HNF4A: variants seen among roughly 807,000 people sequenced by gnomAD.
The protein encoded by HNF4A is hepatocyte nuclear factor 4 alpha.
A neutral mutation model predicts 52.4 loss-of-function variants in HNF4A; 15 were observed. The observed-to-expected ratio is 0.29, with a 90% CI of 0.19 to 0.44. HNF4A has a LOEUF of 0.44. Among genes scored for constraint, HNF4A ranks in the 20% least tolerant of loss-of-function variants. The pLI, the probability that HNF4A is intolerant of heterozygous loss-of-function variation, is 1.00. For missense variants in HNF4A, 479 were observed against 647.2 expected, an observed-to-expected ratio of 0.74 and a Z score of 2.82; for synonymous variants, 280 against 264.4, an observed-to-expected ratio of 1.06 and a Z score of -0.57.
chr20:44,360,320 T>C (rs572343515), intron 1 of HNF4A, among the ~76,000 whole-genome samples: 3 of 152,056 alleles, frequency 2.0e-5, no homozygotes, highest in Non-Finnish European at 4.4e-5. Context: ...AATAGCTGGA[T>C]GGATGAGACA....
In HNF4A at chr20:44,396,107, G is replaced by A. The variant is rs555279495; in HGVS notation, c.50-9951G>A. On this transcript the variant is annotated intron_variant, in intron 1 of 9. Transcript: ENST00000316673. Reference sequence around the variant, plus strand: ...TTCCAGGAGTCATGATGCAGGCAATGCGTAGAGGGGTGAAGCCCTCAAGCT... The same window carrying A: ...TTCCAGGAGTCATGATGCAGGCAATACGTAGAGGGGTGAAGCCCTCAAGCT... Among the ~76,000 whole-genome samples the A allele has an allele frequency of 2.9e-4, 44 of 152,308 alleles. 1 individual carries two copies. In the South Asian group the frequency reaches 8.7e-3, roughly 30 times the overall value.
At chr20:44,371,991 A>G (rs1467264451) in intron 1 of HNF4A, among the ~76,000 whole-genome samples, 1 of 152,178 alleles carries the variant, frequency 6.6e-6, no homozygotes, top group Non-Finnish European at 1.5e-5. Flanking sequence ...ACGGAAACTT[A>G]TTAATGAACA....
At chr20:44,426,042 C>G (rs958884569) in intron 8 of HNF4A, among the ~76,000 whole-genome samples, 1 of 152,046 alleles carries the variant, frequency 6.6e-6, no homozygotes, top group African/African-American at 2.4e-5. Flanking sequence ...GAGTCTGTTG[C>G]TCAAGCACAA....
chr20:44,433,479 G>A (rs6103737), downstream of HNF4A: 31,054 of 152,478 alleles, frequency 0.2, 3,214 homozygotes, highest in African/African-American at 0.25. Context: ...TCAGGAGTTC[G>A]AGACCAGCCA....
chr20:44,421,390 A>G (rs1358847931), intron 7 of HNF4A, among the ~76,000 whole-genome samples: 2 of 152,144 alleles, frequency 1.3e-5, no homozygotes, highest in African/African-American at 4.8e-5. Flanking sequence ...CCCTGCTTAC[A>G]TGTTAGAGGG....
intron 1 of HNF4A, among the ~76,000 whole-genome samples, chr20:44,364,743 C>A (rs1192139375): frequency 6.6e-6 from 1 of 152,218 alleles, no homozygotes; most frequent in African/African-American, 2.4e-5. Context: ...GCTGGGGTTA[C>A]AGGTGTGAGC....
intron 1 of HNF4A, chr20:44,392,121 C>G (rs1189883319): frequency 6.6e-6 from 1 of 152,020 alleles, no homozygotes; most frequent in African/African-American, 2.4e-5. Flanking sequence ...CTAGAAAGGC[C>G]CTTTATTTTG....
upstream of HNF4A, among the ~76,000 whole-genome samples, chr20:44,399,689 C>A (rs897420940): frequency 1.3e-5 from 2 of 152,152 alleles, no homozygotes; most frequent in Non-Finnish European, 2.9e-5. Flanking sequence ...AATTCACCCA[C>A]CCATTTGCTC....
At chr20:44,368,173 T>A (rs1242293938) in intron 1 of HNF4A, among the ~76,000 whole-genome samples, 1 of 104,688 alleles carries the variant, frequency 9.6e-6, no homozygotes, top group Non-Finnish European at 1.9e-5. Flanking sequence ...TTTTTTTTTT[T>A]TTTTTTTTTT....
chr20:44,413,574 A>T, intron 3 of HNF4A, 120 bp from the exon 4 acceptor site: 2 of 736,474 alleles, frequency 2.7e-6, no homozygotes, highest in Non-Finnish European at 4.9e-6. Flanking sequence ...CCACATGCTG[A>T]TGTGGGCCTG....
intron 1 of HNF4A, among the ~76,000 whole-genome samples, chr20:44,360,140 T>G (rs1159514183): frequency 1.3e-5 from 2 of 152,212 alleles, no homozygotes; most frequent in Non-Finnish European, 2.9e-5. Flanking sequence ...CCTGATCCCA[T>G]GTAGACCTTG....
chr20:44,379,434 G>A (rs1215641289), intron 1 of HNF4A, among the ~76,000 whole-genome samples: 8 of 152,064 alleles, frequency 5.3e-5, no homozygotes, highest in Non-Finnish European at 1.0e-4. Flanking sequence ...GAACGTAAAA[G>A]GGTTACAATT....
At chr20:44,415,340 T>C (rs1376511639) in intron 5 of HNF4A, among the ~76,000 whole-genome samples, 1 of 152,174 alleles carries the variant, frequency 6.6e-6, no homozygotes, top group Non-Finnish European at 1.5e-5. Context: ...GAACTCAGCA[T>C]CGTGTTTCCC....
At chr20:44,414,216 A>AT (rs939925739) in intron 4 of HNF4A, among the ~76,000 whole-genome samples, 1 of 152,116 alleles carries the variant, frequency 6.6e-6, no homozygotes, top group African/African-American at 2.4e-5. Context: ...AAGGATGATG[A>AT]TTTTTTGCCC....
chr20:44,360,895 C>G (rs1346284483), intron 1 of HNF4A, among the ~76,000 whole-genome samples: 1 of 152,046 alleles, frequency 6.6e-6, no homozygotes, highest in African/African-American at 2.4e-5. Flanking sequence ...ATCAAATGAG[C>G]CTTGGTTGTT....
At position 44,369,336 on chromosome 20, in the gene HNF4A, G is replaced by C. The variant is rs1374552730; in HGVS notation, c.49+13483G>C. Reference sequence around the variant, plus strand: ...ATCCTGGCATTTTGGGAGGATGAGTGGGGGGATCGTTTGAACCCAGGAGGT... The same window carrying C: ...ATCCTGGCATTTTGGGAGGATGAGTCGGGGGATCGTTTGAACCCAGGAGGT... On this transcript the variant is annotated intron_variant, in intron 1 of 9. Transcript: ENST00000316673. Among the ~76,000 whole-genome samples the C allele has an allele frequency of 5.3e-5, 8 of 151,040 alleles. No individual in the cohort carries two copies. The East Asian group carries it at 1.5e-3, about 29-fold the overall frequency.
chr20:44,415,397 T>C (rs1186347327), intron 5 of HNF4A, among the ~76,000 whole-genome samples: 1 of 152,146 alleles, frequency 6.6e-6, no homozygotes, highest in African/African-American at 2.4e-5. Context: ...GTACATTTTT[T>C]TGGAATACTG....
intron 1 of HNF4A, among the ~76,000 whole-genome samples, chr20:44,392,664 G>C (rs149729253): frequency 6.6e-6 from 1 of 152,128 alleles, no homozygotes; most frequent in African/African-American, 2.4e-5. Context: ...TATTTTAAAG[G>C]TTTCAGATGA....
At chr20:44,370,356 C>T (rs1025665347) in intron 1 of HNF4A, among the ~76,000 whole-genome samples, 1 of 152,168 alleles carries the variant, frequency 6.6e-6, no homozygotes, top group South Asian at 2.1e-4. Flanking sequence ...CCTTCAATCA[C>T]GCCAAGCACA....
Sources: allele counts gnomAD v4.1 joint callset (sites outside exome capture counted in the v4.1 genomes callset), GRCh38; gene constraint gnomAD v4.1.1; transcripts MANE v1.5; gene names NCBI Gene and HGNC (gene_info 2026-07-23, HGNC 2026-07-21).